Variants in RALGAPB observed in about 807,000 individuals in gnomAD.
RALGAPB encodes the protein Ral GTPase activating protein non-catalytic subunit beta, also known as ral GTPase-activating protein subunit beta.
RALGAPB carries 25 observed loss-of-function variants against 161.1 expected under a neutral mutation model. The ratio of observed to expected loss-of-function variants is 0.16; its 90% CI spans 0.11 to 0.22. The LOEUF (loss-of-function observed/expected upper bound fraction) is 0.22, where lower values mean the gene tolerates loss of function less well. Among genes scored for constraint, RALGAPB ranks in the 10% least tolerant of loss-of-function variants. RALGAPB has a pLI of 1.00. For missense variants in RALGAPB, 1,391 were observed against 1,815.2 expected (o/e 0.77, Z 4.25); for synonymous variants, 629 against 626.1 (o/e 1.00, Z -0.07).
chr20:38,511,956 G>A (rs1441186861), intron 6 of RALGAPB, among the ~76,000 whole-genome samples: 1 of 152,110 alleles, frequency 6.6e-6, no homozygotes, highest in African/African-American at 2.4e-5. Flanking sequence ...CCGGGCGGGG[G>A]CTGCCCCCCA....
chr20:38,531,298 A>C, intron 14 of RALGAPB, 67 bp downstream of exon 14: 1 of 1,341,438 alleles, frequency 7.5e-7, no homozygotes, highest in African/African-American at 1.5e-5. Flanking sequence ...TATATTCCAG[A>C]ATGTCCATCT....
At chr20:38,509,022 G>A in intron 5 of RALGAPB, 55 bp from the exon 6 acceptor site, 1 of 1,569,646 alleles carries the variant, frequency 6.4e-7, no homozygotes, top group Non-Finnish European at 8.7e-7. Flanking sequence ...CTATGCTTGA[G>A]TGTATTTTTC....
intron 26 of RALGAPB, 98 bp from the exon 27 acceptor site, chr20:38,569,790 C>T: frequency 1.2e-6 from 1 of 847,100 alleles, no homozygotes; most frequent in East Asian, 2.6e-5. Context: ...TACTTGGTCA[C>T]TGAGCACCTT....
At chr20:38,536,323 A>G (rs371696125) in intron 16 of RALGAPB, among the ~76,000 whole-genome samples, 2 of 152,148 alleles carry the variant, frequency 1.3e-5, no homozygotes, top group East Asian at 1.9e-4. Flanking sequence ...CCCTTTTATG[A>G]TTGGATAATA....
Position 38,558,391 on chromosome 20 carries a change from T to C in RALGAPB, c.3469T>C (p.Cys1157Arg), listed in dbSNP as rs1327567818. Reference sequence around the variant, plus strand: ...CATTGGGTATCTGGATCTCTTGCCATGTCGTCCTTTTGACACAGTTTTTAT... The same window carrying C: ...CATTGGGTATCTGGATCTCTTGCCACGTCGTCCTTTTGACACAGTTTTTAT... The part of the protein sequence containing the change: ...DDIGYLDLLP[C>R]RPFDTVFIFY... Residue 1157 changes from cysteine (C) to arginine (R), a missense_variant, in exon 23 of 30, where the codon TGT becomes CGT. Transcript: ENST00000262879. The C allele has an allele frequency of 6.2e-7, 1 of 1,608,000 alleles. No individual in the cohort carries two copies. The highest frequency in any genetic ancestry group is 8.5e-7 in the Non-Finnish European group (1 of 1,176,236).
intron 18 of RALGAPB, among the ~76,000 whole-genome samples, chr20:38,545,725 T>C (rs1264663728): frequency 6.6e-6 from 1 of 152,186 alleles, no homozygotes; most frequent in Non-Finnish European, 1.5e-5. Flanking sequence ...AGGCCTCTAA[T>C]GGTTTGCAGA....
chr20:38,484,534 G>GT (rs930479505), intron 1 of RALGAPB, among the ~76,000 whole-genome samples: 5 of 152,222 alleles, frequency 3.3e-5, no homozygotes, highest in Non-Finnish European at 4.4e-5. Flanking sequence ...CTGACATTGT[G>GT]TTTTTTTGTT....
At chr20:38,499,123 GTAGTCAGTCATCA>G (rs370094480) in intron 4 of RALGAPB, among the ~76,000 whole-genome samples, 2 of 152,300 alleles carry the variant, frequency 1.3e-5, no homozygotes, top group African/African-American at 4.8e-5. Context: ...CTGACTCATA[GTAGTCAGTCATCA>G]TAGGCAGTCA....
At chr20:38,543,459 C>T (rs1047907227) in intron 18 of RALGAPB, among the ~76,000 whole-genome samples, 8 of 152,152 alleles carry the variant, frequency 5.3e-5, no homozygotes, top group African/African-American at 1.9e-4. Context: ...TCTCTTAGCC[C>T]TTCTTGTTCA....
intron 9 of RALGAPB, among the ~76,000 whole-genome samples, chr20:38,519,059 A>G (rs1250853552): frequency 1.3e-5 from 2 of 152,334 alleles, no homozygotes; most frequent in African/African-American, 4.8e-5. Flanking sequence ...TATTCTTACA[A>G]ATCTTTAATT....
chr20:38,529,423 T>C (rs2086578570), intron 13 of RALGAPB, among the ~76,000 whole-genome samples: 1 of 150,590 alleles, frequency 6.6e-6, no homozygotes, highest in Non-Finnish European at 1.5e-5. Flanking sequence ...GAGGCTGAGA[T>C]AGGAGAATGT....
intron 24 of RALGAPB, among the ~76,000 whole-genome samples, chr20:38,564,074 A>G (rs2087894186): frequency 6.6e-6 from 1 of 152,198 alleles, no homozygotes; most frequent in Non-Finnish European, 1.5e-5. Context: ...GCAAGCTAGA[A>G]CTAGTATCAG....
rs200658743 is a variant in RALGAPB at position 38,525,503 on chromosome 20, C to T, written c.1887C>T (p.Gly629=). The T allele has an allele frequency of 7.4e-5, 119 of 1,602,280 alleles. No individual in the cohort carries two copies. The highest frequency in any genetic ancestry group is 9.0e-5 in the Non-Finnish European group (105 of 1,171,036). The change falls in exon 12 of 30, where the codon GGC becomes GGT. Residue 629 remains glycine, a synonymous_variant. Coordinates refer to ENST00000262879, the MANE Select transcript of RALGAPB (RefSeq NM_020336.4). Reference sequence around the variant, plus strand: ...TGTTGCCCCTCCCTCATCATTTTGGCACAGTCAAATCTGAGGTAATGTTTT... The same window carrying T: ...TGTTGCCCCTCCCTCATCATTTTGGTACAGTCAAATCTGAGGTAATGTTTT... ...LSLLPLPHHF[G]TVKSEVVLEG...
intron 1 of RALGAPB, among the ~76,000 whole-genome samples, chr20:38,487,333 G>T (rs1374522502): frequency 1.6e-5 from 1 of 61,194 alleles, no homozygotes; most frequent in Admixed American, 1.9e-4. Context: ...CTTTATTGTT[G>T]ATTTTTTTTT....
chr20:38,525,962 C>T lies in RALGAPB; in HGVS notation c.1970C>T (p.Ser657Phe). The change falls in exon 13 of 30, where the codon TCC becomes TTC. Residue 657 changes from serine (S) to phenylalanine (F), a missense_variant. Ser to Phe is a radical substitution (Grantham distance 155, BLOSUM62 -2). Transcript: ENST00000262879. The part of the protein sequence containing the change: ...SSYDKPITFL[S>F]LKLRLVNILI... The stretch of plus-strand genomic sequence containing the variant: ...TATGATAAACCAATAACTTTTCTGT[C>T]CCTGAAGTTGAGACTTGTGAATATA... 1 of 1,613,716 alleles carries T rather than the reference C, an allele frequency of 6.2e-7. No homozygotes were observed. Among genetic ancestry groups the T allele is most frequent in the Admixed American group, 1.7e-5 (1 of 59,992 alleles).
intron 6 of RALGAPB, among the ~76,000 whole-genome samples, chr20:38,512,437 T>A (rs897804537): frequency 1.3e-5 from 2 of 152,266 alleles, no homozygotes; most frequent in Admixed American, 6.5e-5. Context: ...AGTTTCTTTT[T>A]AATCTACATA....
chr20:38,556,610 A>C (rs1317537948), intron 22 of RALGAPB, among the ~76,000 whole-genome samples: 2 of 152,252 alleles, frequency 1.3e-5, no homozygotes, highest in Admixed American at 6.5e-5. Context: ...TTACCTTAAC[A>C]AACTATGTAC....
intron 13 of RALGAPB, among the ~76,000 whole-genome samples, chr20:38,526,542 C>G (rs932029071): frequency 6.6e-6 from 1 of 152,148 alleles, no homozygotes; most frequent in African/African-American, 2.4e-5. Context: ...TATATCCCTC[C>G]TGCTGGGGTG....
At chr20:38,558,582 G>GCACTTTCCAGCAC in intron 23 of RALGAPB, 129 bp downstream of exon 23, 2 of 782,044 alleles carry the variant, frequency 2.6e-6, no homozygotes, top group Non-Finnish European at 3.7e-6. Flanking sequence ...AGCCTGGGAA[G>GCACTTTCCAGCAC]TGCTGGAAAG....
Sources: allele counts gnomAD v4.1 joint callset (sites outside exome capture counted in the v4.1 genomes callset), GRCh38; gene constraint gnomAD v4.1.1; transcripts MANE v1.5; gene names NCBI Gene and HGNC (gene_info 2026-07-23, HGNC 2026-07-21).